CCDC169: variants seen among roughly 807,000 people sequenced by gnomAD.
CCDC169 encodes coiled-coil domain-containing protein 169.
In CCDC169, 30 loss-of-function variants were observed where a neutral mutation model predicts 36.0. That is an observed-to-expected ratio of 0.83 (90% CI 0.62 to 1.13). The LOEUF is 1.13. CCDC169 is among the 50% of genes most tolerant of loss of function. The pLI is 0.00. For missense variants in CCDC169, 245 were observed against 245.9 expected (o/e 1.00, Z 0.03); for synonymous variants, 85 against 81.5 (o/e 1.04, Z -0.23).
intron 4 of CCDC169, among the ~76,000 whole-genome samples, chr13:36,272,677 A>G (rs1345025497): frequency 1.3e-5 from 2 of 152,100 alleles, no homozygotes; most frequent in African/African-American, 4.8e-5. Flanking sequence ...TGGTTTATGG[A>G]GTAGGGCAGG....
In CCDC169 at chr13:36,295,857, C is replaced by A. The variant is rs1311185894; in HGVS notation, c.84G>T (p.Lys28Asn). 4 of 1,511,576 alleles carry A rather than the reference C, an allele frequency of 2.6e-6. No homozygotes were observed. The highest frequency in any genetic ancestry group is 4.2e-5 in the Admixed American group (2 of 47,612). The allele number at this position is 1,511,576 out of a possible 1,614,324, so 93.6% of individuals were successfully genotyped here. A position where few individuals can be genotyped will look rare whatever the true frequency, so the allele number is the denominator to read the frequency against. ...KQQLLEEVRKKDAVQLSIFEL... is the reference protein window; with the variant it reads ...KQQLLEEVRKNDAVQLSIFEL... ...CAAATATTGAGAGTTGCACTGCATC[C>A]CTGTTATTTAAAATATTTTTGTTGA... The change falls in exon 2 of 8, where the codon AAG becomes AAT. Residue 28 changes from lysine to asparagine, a missense_variant and splice_region_variant. Transcript: ENST00000239859.
intron 4 of CCDC169, among the ~76,000 whole-genome samples, chr13:36,259,447 A>C (rs1049995004): frequency 1.3e-5 from 2 of 152,258 alleles, no homozygotes; most frequent in African/African-American, 4.8e-5. Context: ...CATTTGTTGA[A>C]GCAAAAGGAC....
intron 4 of CCDC169, chr13:36,283,114 T>A (rs1321561042): frequency 4.5e-6 from 1 of 220,192 alleles, no homozygotes; most frequent in Non-Finnish European, 8.9e-6. Context: ...GATATGGAAA[T>A]AAAGGCATGT....
intron 4 of CCDC169, among the ~76,000 whole-genome samples, chr13:36,257,232 A>C (rs1320770032): frequency 6.6e-6 from 1 of 152,212 alleles, no homozygotes; most frequent in Non-Finnish European, 1.5e-5. Flanking sequence ...CCCCTAGCTC[A>C]GGCCATTTCA....
chr13:36,231,776 A>G (rs893581745), intron 7 of CCDC169, among the ~76,000 whole-genome samples: 10 of 152,176 alleles, frequency 6.6e-5, no homozygotes, highest in Non-Finnish European at 1.5e-4. Flanking sequence ...TTCTCTATTA[A>G]GTCTAACATC....
chr13:36,260,194 C>T (rs546019544), intron 4 of CCDC169, among the ~76,000 whole-genome samples: 2 of 152,284 alleles, frequency 1.3e-5, no homozygotes, highest in Admixed American at 1.3e-4. Context: ...AGAGCTGGAA[C>T]GTGAACCCAG....
intron 2 of CCDC169, among the ~76,000 whole-genome samples, chr13:36,286,517 G>A (rs138763403): frequency 7.9e-5 from 12 of 152,116 alleles, no homozygotes; most frequent in East Asian, 7.8e-4. Flanking sequence ...GAGGGATTTC[G>A]GAGTCTACAC....
At chr13:36,280,762 A>G (rs1877409261) in intron 4 of CCDC169, 1 of 152,216 alleles carries the variant, frequency 6.6e-6, no homozygotes, top group African/African-American at 2.4e-5. Context: ...TTTATTTTCC[A>G]AATAATATCA....
At position 36,259,205 on chromosome 13, in the gene CCDC169, C is replaced by A. The variant is rs146835853; in HGVS notation, c.316-5062G>T. Among the ~76,000 whole-genome samples the A allele has an allele frequency of 6.5e-3, 992 of 152,228 alleles. 14 individuals are homozygous for A. The highest frequency in any genetic ancestry group is 0.023 in the African/African-American group (948 of 41,532). The stretch of plus-strand genomic sequence containing the variant: ...GCAGGATGGCGGAATTAGAAGGCAG[C>A]GTCCTGACCCCTGGCGATGAGCTGA... On this transcript the variant is annotated intron_variant, in intron 4 of 7. Transcript: ENST00000239859.
intron 4 of CCDC169, among the ~76,000 whole-genome samples, chr13:36,271,047 A>C (rs1282966503): frequency 2.0e-5 from 3 of 152,198 alleles, no homozygotes. Context: ...TAGAATCTAC[A>C]AGGAACTCAA....
At chr13:36,283,829 A>G (rs767691232) in intron 2 of CCDC169, 127 bp from the exon 3 acceptor site, 30 of 696,878 alleles carry the variant, frequency 4.3e-5, no homozygotes, top group Non-Finnish European at 6.8e-5. Context: ...CAGATCAACT[A>G]GAAGGAAATA....
chr13:36,291,403 A>C (rs897242077), intron 2 of CCDC169, among the ~76,000 whole-genome samples: 2 of 152,174 alleles, frequency 1.3e-5, no homozygotes, highest in African/African-American at 4.8e-5. Context: ...TTATCTCTTC[A>C]TACAGGTCCT....
chr13:36,236,752 T>C (rs971168374), intron 7 of CCDC169, among the ~76,000 whole-genome samples: 6 of 152,036 alleles, frequency 3.9e-5, no homozygotes, highest in Non-Finnish European at 8.8e-5. Flanking sequence ...ATGCTCTCAA[T>C]GCAATATAAT....
At chr13:36,242,881 C>A (rs965587959) in intron 7 of CCDC169, among the ~76,000 whole-genome samples, 1 of 152,196 alleles carries the variant, frequency 6.6e-6, no homozygotes, top group African/African-American at 2.4e-5. Context: ...TGATTCATAG[C>A]TGCTGCTACA....
rs967679217 is a variant in CCDC169 at position 36,230,832 on chromosome 13, A to G, written c.*361T>C. On this transcript the variant is annotated 3_prime_UTR_variant, in exon 8 of 8. Transcript: ENST00000239859. ...GAGCAAGATCCAGCCCAAAATGGCA[A>G]AAAGGTTTTATGAATACACACTTTT... is the stretch of plus-strand genomic sequence containing the variant. 4.0e-6 allele frequency: 4 copies of G among 992,330 alleles called. No individual in the cohort carries two copies. The African/African-American group carries it at 7.0e-5, about 17-fold the overall frequency. The allele number at this position is 992,330 out of a possible 1,614,324, so 61.5% of individuals were successfully genotyped here.
At chr13:36,249,841 A>G (rs756120128) in intron 6 of CCDC169, among the ~76,000 whole-genome samples, 1 of 152,216 alleles carries the variant, frequency 6.6e-6, no homozygotes, top group Non-Finnish European at 1.5e-5. Context: ...GAAAATAAAA[A>G]GGAGGAAAAT....
intron 4 of CCDC169, among the ~76,000 whole-genome samples, chr13:36,265,413 C>T (rs1397881410): frequency 6.6e-6 from 1 of 152,184 alleles, no homozygotes; most frequent in East Asian, 1.9e-4. Context: ...GGCTGCACAG[C>T]CTGTAACTGA....
intron 4 of CCDC169, among the ~76,000 whole-genome samples, chr13:36,278,400 T>C (rs1877095903): frequency 6.6e-6 from 1 of 152,136 alleles, no homozygotes; most frequent in African/African-American, 2.4e-5. Context: ...TAGGTTATAC[T>C]CAGTACATTT....
chr13:36,224,338 A>T (rs1425116266), downstream of CCDC169: 2 of 152,184 alleles, frequency 1.3e-5, no homozygotes, highest in Non-Finnish European at 2.9e-5. Context: ...AAAGAATTCA[A>T]ACTATCTCTC....
Sources: allele counts gnomAD v4.1 joint callset (sites outside exome capture counted in the v4.1 genomes callset), GRCh38; gene constraint gnomAD v4.1.1; transcripts MANE v1.5; gene names NCBI Gene and HGNC (gene_info 2026-07-23, HGNC 2026-07-21).